Variants in POLK observed in about 807,000 individuals in gnomAD.
POLK encodes polymerase (DNA directed) kappa.
POLK carries 76 observed loss-of-function variants against 94.0 expected under a neutral mutation model. That is an observed-to-expected ratio of 0.81 (90% CI 0.67 to 0.98). The LOEUF is 0.98. Ranked by LOEUF, POLK falls within the 50% of genes least tolerant of loss-of-function variation. POLK has a pLI of 0.00. For missense variants in POLK, 954 were observed against 1,010.1 expected (o/e 0.94, Z 0.75); for synonymous variants, 349 against 325.4 (o/e 1.07, Z -0.78).
chr5:75,511,342 G>A, upstream of POLK: 2 of 1,545,212 alleles, frequency 1.3e-6, no homozygotes, highest in Non-Finnish European at 1.7e-6. Flanking sequence ...GGGAGCAGGA[G>A]GAGGGACGAA....
chr5:75,608,562 A>C, the POLK span, among the ~76,000 whole-genome samples: 1 of 152,236 alleles, frequency 6.6e-6, no homozygotes, highest in South Asian at 2.1e-4. Flanking sequence ...GACACTAAAC[A>C]AATAGACATT....
In POLK at chr5:75,512,130, G is replaced by A. The variant is rs555872670; in HGVS notation, c.-14+216G>A. ...TCCAGGGCGGCTTGTCGAAAGCCCG[G>A]GAGCATCTGGCCGCTTCCGCCTCAA... On this transcript the variant is annotated intron_variant, in intron 1 of 14. Coordinates refer to ENST00000241436, the Ensembl canonical transcript of POLK. The A allele has an allele frequency of 4.1e-5, 10 of 244,508 alleles. No homozygotes were observed. In the East Asian group the frequency reaches 9.0e-4, roughly 22 times the overall value. 15.1% of individuals were successfully genotyped at this position (244,508 alleles called of 1,614,324 possible).
chr5:75,605,110 TATACAC>T (rs1337107407), downstream of POLK, among the ~76,000 whole-genome samples: 169 of 96,574 alleles, frequency 1.7e-3, 1 homozygote, highest in East Asian at 0.045. Flanking sequence ...CTCTTTCCTG[TATACAC>T]ATACACACAC....
chr5:75,597,947 A>C, exon 15 of POLK: 1 of 1,495,216 alleles, frequency 6.7e-7, no homozygotes, highest in Non-Finnish European at 9.0e-7. Context: ...AGGATTGATG[A>C]CAAAGTACTC....
intron 3 of POLK, among the ~76,000 whole-genome samples, chr5:75,555,947 T>C (rs1463158187): frequency 1.3e-5 from 2 of 152,246 alleles, no homozygotes; most frequent in South Asian, 2.1e-4. Flanking sequence ...TTGGGAATTA[T>C]GAATAAAGCT....
chr5:75,529,843 T>G (rs1294589071), intron 1 of POLK, among the ~76,000 whole-genome samples: 1 of 152,114 alleles, frequency 6.6e-6, no homozygotes, highest in African/African-American at 2.4e-5. Flanking sequence ...TACATATAAT[T>G]GAATATAAAC....
chr5:75,575,850 A>G (rs1771843606), intron 5 of POLK, among the ~76,000 whole-genome samples: 1 of 152,032 alleles, frequency 6.6e-6, no homozygotes, highest in Admixed American at 6.6e-5. Context: ...TTTTCTCATG[A>G]TACAGTAGAC....
At chr5:75,609,308 G>A in the POLK span, 2 of 151,656 alleles carry the variant, frequency 1.3e-5, no homozygotes, top group African/African-American at 4.8e-5. Flanking sequence ...CTATCACGCA[G>A]ACTGGCACAC....
chr5:75,539,741 A>G (rs560978179), intron 1 of POLK, among the ~76,000 whole-genome samples: 54 of 152,272 alleles, frequency 3.5e-4, no homozygotes, highest in Non-Finnish European at 6.9e-4. Context: ...TTATAGGCAT[A>G]AGCCACCACA....
In POLK at chr5:75,587,018, A is replaced by G. The variant is rs1180252183; in HGVS notation, c.1227-8A>G. On this transcript the variant is annotated splice_polypyrimidine_tract_variant and splice_region_variant and intron_variant, in intron 9 of 14. Coordinates refer to ENST00000241436, the Ensembl canonical transcript of POLK. ...TGAAAAATAAAGACCTTTTTTTTTC[A>G]TTTCAAGGGATGGAGAGAGGAAAAG... is the stretch of plus-strand genomic sequence containing the variant. The G allele has an allele frequency of 2.6e-6, 4 of 1,538,036 alleles. No individual in the cohort carries two copies. Among genetic ancestry groups the G allele is most frequent in the Non-Finnish European group, 3.5e-6 (4 of 1,136,740 alleles).
At chr5:75,588,251 A>G (rs959260486) in intron 10 of POLK, among the ~76,000 whole-genome samples, 3 of 152,166 alleles carry the variant, frequency 2.0e-5, no homozygotes, top group African/African-American at 7.2e-5. Flanking sequence ...AAAATGGGCA[A>G]TATAACATCA....
At chr5:75,511,526 G>C, upstream of POLK, 2 of 1,467,944 alleles carry the variant, frequency 1.4e-6, no homozygotes, top group Admixed American at 2.5e-5. Context: ...ATTTCAAATA[G>C]GGAAGGAAAA....
chr5:75,542,614 CACATATATAT>C (rs1769795320), intron 1 of POLK, among the ~76,000 whole-genome samples: 1 of 149,866 alleles, frequency 6.7e-6, no homozygotes, highest in Non-Finnish European at 1.5e-5. Context: ...TACACATATA[CACATATATAT>C]ACACATATAT....
exon 15 of POLK, chr5:75,600,210 T>G (rs1448997521): frequency 2.0e-5 from 3 of 152,168 alleles, no homozygotes; most frequent in Non-Finnish European, 4.4e-5. Flanking sequence ...GAAATCCAGA[T>G]GACCAAGAAA....
chr5:75,511,375 G>A (rs5744540), upstream of POLK: 11 of 1,546,902 alleles, frequency 7.1e-6, no homozygotes, highest in Non-Finnish European at 9.6e-6. Context: ...CGCCGCCGCC[G>A]CGCCTGACAC....
At chr5:75,600,718 T>A (rs536630004) in exon 15 of POLK, 5 of 152,190 alleles carry the variant, frequency 3.3e-5, no homozygotes, top group Non-Finnish European at 2.9e-5. Flanking sequence ...TTCTACACAG[T>A]GGTGAAAATG....
In POLK at chr5:75,559,382, A is replaced by G. The variant is rs1002729424; in HGVS notation, c.255+6791A>G. On this transcript the variant is annotated intron_variant, in intron 3 of 14. Transcript: ENST00000241436. ...AGCACAGTCATTTTTGTAACTGACAAATTGTTGTATAAGAACATGGGTTCA... is the reference window on the plus strand; with the variant it reads ...AGCACAGTCATTTTTGTAACTGACAGATTGTTGTATAAGAACATGGGTTCA... Among the ~76,000 whole-genome samples the G allele has an allele frequency of 4.6e-5, 7 of 152,256 alleles. 1 individual carries two copies. The highest frequency in any genetic ancestry group is 7.2e-5 in the African/African-American group (3 of 41,546).
chr5:75,570,321 GAAGA>G (rs1365259574), intron 4 of POLK, among the ~76,000 whole-genome samples: 4 of 152,134 alleles, frequency 2.6e-5, no homozygotes, highest in Non-Finnish European at 4.4e-5. Context: ...GAGAGTTGAA[GAAGA>G]AAGAAAAGGA....
chr5:75,540,896 T>G (rs143057478), intron 1 of POLK, among the ~76,000 whole-genome samples: 2,399 of 152,288 alleles, frequency 0.016, 25 homozygotes, highest in Non-Finnish European at 0.025. Context: ...TTTTCACACT[T>G]TTGAGTATGT....
Sources: allele counts gnomAD v4.1 joint callset (sites outside exome capture counted in the v4.1 genomes callset), GRCh38; gene constraint gnomAD v4.1.1; transcripts MANE v1.5; gene names NCBI Gene and HGNC (gene_info 2026-07-23, HGNC 2026-07-21).